ANKRD12: variants seen among roughly 807,000 people sequenced by gnomAD.
ANKRD12 encodes ankyrin repeat domain-containing protein 12.
A neutral mutation model predicts 183.4 loss-of-function variants in ANKRD12; 85 were observed. The observed-to-expected ratio is 0.46, with a 90% CI of 0.39 to 0.56. The LOEUF is 0.56. Among genes scored for constraint, ANKRD12 ranks in the 20% least tolerant of loss-of-function variants. ANKRD12 has a pLI of 0.00. For missense variants in ANKRD12, 2,405 were observed against 2,357.1 expected (o/e 1.02, Z -0.42); for synonymous variants, 914 against 800.2 (o/e 1.14, Z -2.40).
intron 12 of ANKRD12, 47 bp from the exon 13 acceptor site, chr18:9,280,889 ACAAAG>A (rs559665151): frequency 5.1e-6 from 8 of 1,565,058 alleles, no homozygotes; most frequent in African/African-American, 2.8e-5. Flanking sequence ...TAATTTTTAA[ACAAAG>A]CAAAGTTAAC....
intron 8 of ANKRD12, among the ~76,000 whole-genome samples, chr18:9,251,792 CAAAA>C (rs1187636473): frequency 6.7e-6 from 1 of 150,176 alleles, no homozygotes. Flanking sequence ...GACTCCATCT[CAAAA>C]AAAAGAAAAA....
rs200470345 is a variant in ANKRD12, at chr18:9,278,961, AC to A, written c.5908-586del. On this transcript the variant is annotated intron_variant, in intron 11 of 12. Coordinates refer to ENST00000262126, the MANE Select transcript of ANKRD12 (RefSeq NM_015208.5). ...TCTCAAAACAAGCTGAAGAGAGGTT[AC>A]CACATTTTACAGAGTATAAGACTGA... Among the ~76,000 whole-genome samples the A allele has an allele frequency of 7.6e-3, 1,156 of 152,270 alleles. 23 individuals are homozygous for A. The highest frequency in any genetic ancestry group is 0.026 in the African/African-American group (1,093 of 41,550).
chr18:9,221,291 A>G (rs959241499), intron 7 of ANKRD12, among the ~76,000 whole-genome samples: 3 of 152,210 alleles, frequency 2.0e-5, no homozygotes, highest in African/African-American at 7.2e-5. Flanking sequence ...TGACTACAAC[A>G]TTAGATACAG....
intron 8 of ANKRD12, among the ~76,000 whole-genome samples, chr18:9,237,828 A>G (rs1027881111): frequency 4.6e-5 from 7 of 152,172 alleles, no homozygotes; most frequent in African/African-American, 1.7e-4. Context: ...ATGGATGGAA[A>G]GGTCAAAGTA....
chr18:9,187,176 G>A (rs1241157558), intron 2 of ANKRD12, among the ~76,000 whole-genome samples: 1 of 152,024 alleles, frequency 6.6e-6, no homozygotes, highest in Non-Finnish European at 1.5e-5. Context: ...CCTATAATGT[G>A]TGCTTTGGGG....
intron 1 of ANKRD12, among the ~76,000 whole-genome samples, chr18:9,161,579 G>C (rs1007319919): frequency 6.6e-6 from 1 of 151,822 alleles, no homozygotes; most frequent in African/African-American, 2.4e-5. Flanking sequence ...GTTTCACCGA[G>C]TTAGACCAGG....
intron 8 of ANKRD12, chr18:9,249,505 A>G (rs2038159893): frequency 6.6e-6 from 1 of 152,208 alleles, no homozygotes; most frequent in Non-Finnish European, 1.5e-5. Context: ...AGTGATTGGG[A>G]GGTTAACTTT....
At chr18:9,196,000 A>G (rs1012439122) in intron 3 of ANKRD12, among the ~76,000 whole-genome samples, 1 of 152,114 alleles carries the variant, frequency 6.6e-6, no homozygotes, top group Non-Finnish European at 1.5e-5. Flanking sequence ...ATAAGGAAGC[A>G]TTGGGATATG....
chr18:9,200,513 G>C (rs1235368762), intron 3 of ANKRD12: 7 of 152,068 alleles, frequency 4.6e-5, no homozygotes, highest in African/African-American at 1.7e-4. Flanking sequence ...TCCTACTCTA[G>C]AATTGACAGG....
At position 9,214,825 on chromosome 18, in the gene ANKRD12, C is replaced by T. The variant is rs189862277; in HGVS notation, c.653-1933C>T. 6.6e-5 allele frequency among the ~76,000 whole-genome samples: 10 copies of T among 152,182 alleles called. No individual in the cohort carries two copies. In the East Asian group the frequency reaches 1.9e-3, roughly 29 times the overall value. ...GGAGCTATGCTAGTGGGTTTGAAAA[C>T]GTTGCACTTTTTTGTAAAACATTCT... On this transcript the variant is annotated intron_variant, in intron 6 of 12. Coordinates refer to ENST00000262126, the MANE Select transcript of ANKRD12 (RefSeq NM_015208.5).
intron 1 of ANKRD12, among the ~76,000 whole-genome samples, chr18:9,156,973 G>A (rs114420178): frequency 0.013 from 2,032 of 152,298 alleles, 51 homozygotes; most frequent in African/African-American, 0.047. Context: ...CCAGGAGCTG[G>A]GAAAAGTGGG....
chr18:9,165,514 C>A (rs2031945070), intron 1 of ANKRD12, among the ~76,000 whole-genome samples: 1 of 152,094 alleles, frequency 6.6e-6, no homozygotes, highest in African/African-American at 2.4e-5. Context: ...ACTCTGCATT[C>A]CCTCTCCCTG....
At chr18:9,221,550 G>T (rs546301958) in intron 7 of ANKRD12, among the ~76,000 whole-genome samples, 1 of 152,250 alleles carries the variant, frequency 6.6e-6, no homozygotes, top group East Asian at 1.9e-4. Context: ...GATATTATAG[G>T]TTCTCAATAA....
chr18:9,160,643 T>C lies in ANKRD12; in HGVS notation c.-51-21739T>C, dbSNP rs897983443. 5.9e-5 allele frequency among the ~76,000 whole-genome samples: 9 copies of C among 152,330 alleles called. No homozygotes were observed. In the South Asian group the frequency reaches 1.9e-3, roughly 32 times the overall value. ...TACTCCGATTCAGTAGCTCTGAAAA[T>C]GAAGCTAGGGATCTGTATCTTTTTT... On this transcript the variant is annotated intron_variant, in intron 1 of 12. Transcript: ENST00000262126.
intron 8 of ANKRD12, among the ~76,000 whole-genome samples, chr18:9,244,784 T>A (rs187797468): frequency 6.6e-5 from 10 of 152,288 alleles, no homozygotes; most frequent in Admixed American, 4.6e-4. Context: ...ATGACAGTAG[T>A]AGATCAGGTC....
At position 9,195,704 on chromosome 18, in the gene ANKRD12, A is replaced by G. The variant is rs1480080885; in HGVS notation, c.235+6A>G. On this transcript the variant is annotated splice_donor_region_variant and intron_variant, in intron 3 of 12. Coordinates refer to ENST00000262126, the MANE Select transcript of ANKRD12 (RefSeq NM_015208.5). The stretch of plus-strand genomic sequence containing the variant: ...AGAACGAGATTCAGACACAGGTAGA[A>G]TAATTTGCTGTTCTCTGGTAAAATC... 1 of 1,604,504 alleles carries G rather than the reference A, an allele frequency of 6.2e-7. No homozygotes were observed. Among genetic ancestry groups the G allele is most frequent in the Non-Finnish European group, 8.5e-7 (1 of 1,175,768 alleles).
intron 4 of ANKRD12, among the ~76,000 whole-genome samples, chr18:9,204,871 G>A (rs1330309803): frequency 6.6e-6 from 1 of 152,176 alleles, no homozygotes; most frequent in Non-Finnish European, 1.5e-5. Flanking sequence ...TGACTCCTAT[G>A]GGAAGATCCC....
chr18:9,256,685 A>G lies in ANKRD12; in HGVS notation c.3418A>G (p.Arg1140Gly), dbSNP rs749909468. Residue 1140 changes from arginine (R) to glycine (G), a missense_variant, in exon 9 of 13, where the codon AGG becomes GGG. Arg to Gly is a moderately radical substitution (Grantham distance 125). This residue lies in a region of ANKRD12 where 1,983 missense variants were observed against 1,725.9 expected (regional missense o/e 1.15). Coordinates refer to ENST00000262126, the MANE Select transcript of ANKRD12 (RefSeq NM_015208.5). ...TGAATCCAAAAATAAAGAACTTACT[A>G]GGTCAAAGAGTTCAGAAGTGACTGA... ...PTESKNKELTRSKSSEVTDAY... is the reference protein window; with the variant it reads ...PTESKNKELTGSKSSEVTDAY... 8.7e-6 allele frequency: 14 copies of G among 1,605,808 alleles called. No homozygotes were observed. Among genetic ancestry groups the G allele is most frequent in the African/African-American group, 1.3e-5 (1 of 74,124 alleles).
At chr18:9,187,008 A>G (rs1044656308) in intron 2 of ANKRD12, among the ~76,000 whole-genome samples, 14 of 151,928 alleles carry the variant, frequency 9.2e-5, no homozygotes, top group South Asian at 4.2e-4. Flanking sequence ...TGATCCGCCC[A>G]CCTCAGCCTC....
Sources: allele counts gnomAD v4.1 joint callset (sites outside exome capture counted in the v4.1 genomes callset), GRCh38; gene constraint gnomAD v4.1.1; regional missense constraint gnomAD v4.1.1; transcripts MANE v1.5; gene names NCBI Gene and HGNC (gene_info 2026-07-23, HGNC 2026-07-21).